HS3ST3A1: variants seen among roughly 807,000 people sequenced by gnomAD.
HS3ST3A1 encodes the protein heparan sulfate glucosamine 3-O-sulfotransferase 3A1.
Under a neutral mutation model 25.7 loss-of-function variants are expected in HS3ST3A1, and 19 were observed. The ratio of observed to expected loss-of-function variants is 0.74; its 90% confidence interval spans 0.52 to 1.08. The LOEUF (loss-of-function observed/expected upper bound fraction) is 1.08, where lower values mean the gene tolerates loss of function less well. HS3ST3A1 is among the 50% of genes least tolerant of loss of function. The pLI, the probability that HS3ST3A1 is intolerant of heterozygous loss-of-function variation, is 0.00. For missense variants in HS3ST3A1, 459 were observed against 594.3 expected, an observed-to-expected ratio of 0.77 and a Z score of 2.37; for synonymous variants, 226 against 278.6, an observed-to-expected ratio of 0.81 and a Z score of 1.88.
Position 13,494,941 on chromosome 17 carries a change from G to A in HS3ST3A1, c.*1256C>T, listed in dbSNP as rs1365391156. Among the ~76,000 whole-genome samples, 1 of 151,996 alleles carries A rather than the reference G, an allele frequency of 6.6e-6. No homozygotes were observed. Among genetic ancestry groups the A allele is most frequent in the Non-Finnish European group, 1.5e-5 (1 of 68,016 alleles). ...TGGTATAAATAGGAAGTGGGAGGGGGGAATAAAGTGACAAAATGATAGTCC... is the reference window on the plus strand; with the variant it reads ...TGGTATAAATAGGAAGTGGGAGGGGAGAATAAAGTGACAAAATGATAGTCC... On this transcript the variant is annotated 3_prime_UTR_variant, in exon 2 of 2. Transcript: ENST00000284110.
chr17:13,495,543 A>G lies in HS3ST3A1; in HGVS notation c.*654T>C, dbSNP rs9909849. ...CTCCCTGGAAAAAGTGACATGAAATAGGGAACAAGTGGAAGATGGAATTTT... is the reference window on the plus strand; with the variant it reads ...CTCCCTGGAAAAAGTGACATGAAATGGGGAACAAGTGGAAGATGGAATTTT... On this transcript the variant is annotated 3_prime_UTR_variant, in exon 2 of 2. Coordinates refer to ENST00000284110, the MANE Select transcript of HS3ST3A1 (RefSeq NM_006042.3). 0.12 allele frequency: 18,126 copies of G among 152,254 alleles called. 1,164 individuals are homozygous for G. Among genetic ancestry groups the G allele is most frequent in the Middle Eastern group, 0.21 (63 of 294 alleles). The allele number at this position is 152,254 out of a possible 1,614,324, so 9.4% of individuals were successfully genotyped here.
intron 1 of HS3ST3A1, among the ~76,000 whole-genome samples, chr17:13,577,339 G>A (rs542417056): frequency 2.0e-5 from 3 of 152,278 alleles, no homozygotes; most frequent in East Asian, 3.9e-4. Flanking sequence ...AGGAAATCTT[G>A]CTAGTCTCCA....
chr17:13,494,719 T>A lies in HS3ST3A1; in HGVS notation c.*1478A>T, dbSNP rs1351225946. On this transcript the variant is annotated 3_prime_UTR_variant, in exon 2 of 2. Transcript: ENST00000284110. ...ATATGTGTTCCTCTCTAAACCAATT[T>A]AATTCCCATTAATGCTAATCTTGTT... Among the ~76,000 whole-genome samples, 1 of 152,148 alleles carries A rather than the reference T, an allele frequency of 6.6e-6. No individual in the cohort carries two copies. The highest frequency in any genetic ancestry group is 2.4e-5 in the African/African-American group (1 of 41,428).
intron 1 of HS3ST3A1, among the ~76,000 whole-genome samples, chr17:13,592,859 G>C (rs1441513544): frequency 6.6e-6 from 1 of 152,094 alleles, no homozygotes; most frequent in Admixed American, 6.5e-5. Context: ...ACACCACCTA[G>C]ACAGGAACTT....
At chr17:13,594,895 A>G (rs1908533648) in intron 1 of HS3ST3A1, among the ~76,000 whole-genome samples, 1 of 151,986 alleles carries the variant, frequency 6.6e-6, no homozygotes, top group African/African-American at 2.4e-5. Context: ...ATGCTCTATC[A>G]TGATGAGGTT....
intron 1 of HS3ST3A1, among the ~76,000 whole-genome samples, chr17:13,552,467 G>A (rs551647960): frequency 6.2e-4 from 94 of 152,258 alleles, no homozygotes; most frequent in Middle Eastern, 3.4e-3. Flanking sequence ...TACGATTCCA[G>A]TGTTGATCAA....
chr17:13,565,350 AG>A (rs1340637082), intron 1 of HS3ST3A1, among the ~76,000 whole-genome samples: 2 of 152,020 alleles, frequency 1.3e-5, no homozygotes, highest in Non-Finnish European at 2.9e-5. Flanking sequence ...TGGGCAACAT[AG>A]TGAATCCCCA....
At chr17:13,595,331 C>G (rs986786064) in intron 1 of HS3ST3A1, among the ~76,000 whole-genome samples, 8 of 152,224 alleles carry the variant, frequency 5.3e-5, no homozygotes, top group African/African-American at 1.9e-4. Flanking sequence ...CTTCCCTACT[C>G]AGGATGTCCA....
At chr17:13,513,841 G>A (rs532691435) in intron 1 of HS3ST3A1, among the ~76,000 whole-genome samples, 2 of 152,168 alleles carry the variant, frequency 1.3e-5, no homozygotes, top group South Asian at 2.1e-4. Context: ...TATTTTAAAA[G>A]CTTTGGAGCC....
intron 1 of HS3ST3A1, among the ~76,000 whole-genome samples, chr17:13,576,790 A>G (rs1907958103): frequency 6.6e-6 from 1 of 152,198 alleles, no homozygotes; most frequent in Non-Finnish European, 1.5e-5. Flanking sequence ...GCAAGCAACA[A>G]TCCTAATGAT....
chr17:13,507,938 T>C (rs1374250092), intron 1 of HS3ST3A1, among the ~76,000 whole-genome samples: 1 of 152,244 alleles, frequency 6.6e-6, no homozygotes, highest in African/African-American at 2.4e-5. Context: ...TCAATATTTC[T>C]TTTCCTGCTG....
chr17:13,572,883 A>C (rs75136557), intron 1 of HS3ST3A1, among the ~76,000 whole-genome samples: 2 of 152,218 alleles, frequency 1.3e-5, no homozygotes, highest in African/African-American at 4.8e-5. Context: ...AAAATTGTAT[A>C]TATTGAATTA....
In HS3ST3A1 at chr17:13,601,403, A is replaced by C; in HGVS notation, c.-274T>G. On this transcript the variant is annotated 5_prime_UTR_variant, in exon 1 of 2. Coordinates refer to ENST00000284110, the MANE Select transcript of HS3ST3A1 (RefSeq NM_006042.3). ...AGAAACCATCGTCTTAGACTCGCCC[A>C]AGTCCTGAGCTTGGGGCAGCCTTGG... The C allele has an allele frequency of 5.2e-6, 2 of 388,208 alleles. No individual in the cohort carries two copies. Among genetic ancestry groups the C allele is most frequent in the Non-Finnish European group, 9.1e-6 (2 of 219,360 alleles). The allele number at this position is 388,208 out of a possible 1,614,324, so 24.0% of individuals were successfully genotyped here.
chr17:13,501,548 G>A (rs12952215), intron 1 of HS3ST3A1, among the ~76,000 whole-genome samples: 9,207 of 152,178 alleles, frequency 0.061, 315 homozygotes, highest in Middle Eastern at 0.1. Flanking sequence ...AGATTTTTGT[G>A]CAGCTGATCT....
At chr17:13,563,635 C>G (rs1260652381) in intron 1 of HS3ST3A1, among the ~76,000 whole-genome samples, 1 of 152,198 alleles carries the variant, frequency 6.6e-6, no homozygotes, top group East Asian at 1.9e-4. Context: ...AGCTCTGACA[C>G]TCTCTAACTC....
chr17:13,598,927 A>G (rs915595588), intron 1 of HS3ST3A1, among the ~76,000 whole-genome samples: 1 of 152,206 alleles, frequency 6.6e-6, no homozygotes, highest in Admixed American at 6.5e-5. Context: ...AGCCCAACAT[A>G]GTGTTAGATG....
chr17:13,516,394 A>T (rs963442751), intron 1 of HS3ST3A1, among the ~76,000 whole-genome samples: 1 of 152,158 alleles, frequency 6.6e-6, no homozygotes, highest in African/African-American at 2.4e-5. Context: ...GGTTTTTCCA[A>T]GTGTTTTCCT....
chr17:13,528,876 G>A (rs1598415343), intron 1 of HS3ST3A1, among the ~76,000 whole-genome samples: 1 of 151,826 alleles, frequency 6.6e-6, no homozygotes, highest in East Asian at 2.0e-4. Flanking sequence ...GTTATAAAGA[G>A]CAGGATGTGG....
intron 1 of HS3ST3A1, among the ~76,000 whole-genome samples, chr17:13,573,422 T>C (rs1907868101): frequency 6.6e-6 from 1 of 152,324 alleles, no homozygotes; most frequent in Admixed American, 6.5e-5. Context: ...CCTCTCTGTC[T>C]ATCCACAACC....
Sources: allele counts gnomAD v4.1 joint callset (sites outside exome capture counted in the v4.1 genomes callset), GRCh38; gene constraint gnomAD v4.1.1; transcripts MANE v1.5; gene names NCBI Gene and HGNC (gene_info 2026-07-23, HGNC 2026-07-21).